PSD3: variants seen among roughly 807,000 people sequenced by gnomAD.
The protein encoded by PSD3 is pleckstrin and Sec7 domain containing 3, also known as PH and SEC7 domain-containing protein 3.
Under a neutral mutation model 105.5 loss-of-function variants are expected in PSD3, and 49 were observed. The observed-to-expected ratio is 0.46, with a 90% CI of 0.37 to 0.59. The LOEUF (loss-of-function observed/expected upper bound fraction) is 0.59, where lower values mean the gene tolerates loss of function less well. Among genes scored for constraint, PSD3 ranks in the 20% least tolerant of loss-of-function variants. PSD3 has a pLI of 0.00. For missense variants in PSD3, 1,561 were observed against 1,263.8 expected, an observed-to-expected ratio of 1.24 and a Z score of -3.57; for synonymous variants, 557 against 457.8, an observed-to-expected ratio of 1.22 and a Z score of -2.77.
At chr8:18,672,208 T>C (rs1306302314) in intron 9 of PSD3, among the ~76,000 whole-genome samples, 1 of 152,106 alleles carries the variant, frequency 6.6e-6, no homozygotes, top group Non-Finnish European at 1.5e-5. Flanking sequence ...TGTAAATATA[T>C]GCAATATTTT....
intron 4 of PSD3, among the ~76,000 whole-genome samples, chr8:18,817,768 T>C (rs575694115): frequency 3.8e-4 from 58 of 152,334 alleles, no homozygotes; most frequent in Non-Finnish European, 7.1e-4. Context: ...GAGCTCTCTC[T>C]ATGTTGCAGA....
At chr8:18,892,422 A>C (rs907474141) in intron 2 of PSD3, among the ~76,000 whole-genome samples, 1 of 151,572 alleles carries the variant, frequency 6.6e-6, no homozygotes, top group Non-Finnish European at 1.5e-5. Flanking sequence ...ACGGAGTTTC[A>C]CCATGTTAGC....
chr8:18,654,499 A>G (rs1022064178), intron 10 of PSD3, among the ~76,000 whole-genome samples: 2 of 152,234 alleles, frequency 1.3e-5, no homozygotes, highest in Non-Finnish European at 2.9e-5. Flanking sequence ...AATGTGATTA[A>G]AAATTTCATA....
At chr8:18,751,912 C>A (rs1287246539) in intron 9 of PSD3, among the ~76,000 whole-genome samples, 1 of 148,386 alleles carries the variant, frequency 6.7e-6, no homozygotes, top group African/African-American at 2.6e-5. Flanking sequence ...CGGTGGCTCA[C>A]GCCTGGAATC....
At chr8:19,079,986 T>C (rs1334314905) in intron 1 of PSD3, among the ~76,000 whole-genome samples, 2 of 148,612 alleles carry the variant, frequency 1.3e-5, no homozygotes, top group African/African-American at 5.0e-5. Context: ...ACCTTCTGGG[T>C]TCAAGCGATT....
chr8:18,719,672 G>T (rs868235247), intron 9 of PSD3, among the ~76,000 whole-genome samples: 1 of 152,094 alleles, frequency 6.6e-6, no homozygotes, highest in Non-Finnish European at 1.5e-5. Flanking sequence ...ACTATTTCCC[G>T]AGATAGTATG....
chr8:18,837,568 C>G (rs1814213699), intron 4 of PSD3, among the ~76,000 whole-genome samples: 1 of 152,134 alleles, frequency 6.6e-6, no homozygotes, highest in African/African-American at 2.4e-5. Context: ...TAGGTCAAAC[C>G]ATTTAGTTCT....
At chr8:19,015,706 C>T (rs1404887878), upstream of PSD3, among the ~76,000 whole-genome samples, 1 of 152,158 alleles carries the variant, frequency 6.6e-6, no homozygotes, top group African/African-American at 2.4e-5. Context: ...TAATCTGAGC[C>T]TCTGTTTCCT....
At chr8:18,883,063 T>G (rs146838411) in intron 2 of PSD3, among the ~76,000 whole-genome samples, 1 of 152,144 alleles carries the variant, frequency 6.6e-6, no homozygotes, top group Non-Finnish European at 1.5e-5. Flanking sequence ...CCAAGGAGGC[T>G]TGTTAGAAAT....
chr8:18,945,071 C>T (rs1356723309), intron 1 of PSD3, among the ~76,000 whole-genome samples: 1 of 152,062 alleles, frequency 6.6e-6, no homozygotes, highest in African/African-American at 2.4e-5. Context: ...CAGACAGACA[C>T]ACACACACAC....
At chr8:18,681,452 A>G (rs1350935870) in intron 9 of PSD3, among the ~76,000 whole-genome samples, 1 of 150,186 alleles carries the variant, frequency 6.7e-6, no homozygotes, top group African/African-American at 2.4e-5. Context: ...GTTTCAAAAA[A>G]AAAAAAAAAA....
chr8:18,952,088 A>G (rs1035737086), intron 1 of PSD3, among the ~76,000 whole-genome samples: 2 of 152,166 alleles, frequency 1.3e-5, no homozygotes, highest in Non-Finnish European at 2.9e-5. Context: ...ACTAAAGAAT[A>G]ATGGGTGGAT....
At chr8:18,974,328 T>C (rs562526474) in intron 1 of PSD3, among the ~76,000 whole-genome samples, 5 of 152,348 alleles carry the variant, frequency 3.3e-5, no homozygotes, top group Non-Finnish European at 5.9e-5. Flanking sequence ...AAATCTTTTA[T>C]GTCAATTACA....
chr8:18,586,938 G>A (rs992001351), intron 12 of PSD3, among the ~76,000 whole-genome samples: 2 of 152,002 alleles, frequency 1.3e-5, no homozygotes, highest in African/African-American at 4.8e-5. Flanking sequence ...AAGGATAGAC[G>A]CCGGATCCTG....
chr8:18,609,216 A>T (rs77818684), intron 11 of PSD3, among the ~76,000 whole-genome samples: 4,154 of 152,298 alleles, frequency 0.027, 100 homozygotes, highest in East Asian at 0.085. Context: ...AGCCATATAC[A>T]CATTAATGAG....
intron 10 of PSD3, among the ~76,000 whole-genome samples, chr8:18,645,080 C>T (rs531561193): frequency 6.6e-6 from 1 of 152,314 alleles, no homozygotes; most frequent in African/African-American, 2.4e-5. Flanking sequence ...CGATAACTAA[C>T]CCACTCCCTT....
chr8:18,927,465 G>A (rs1033381133), intron 2 of PSD3, among the ~76,000 whole-genome samples: 1 of 152,122 alleles, frequency 6.6e-6, no homozygotes, highest in Non-Finnish European at 1.5e-5. Flanking sequence ...ACCCTCCTCA[G>A]CCTCCCAAAG....
At chr8:18,565,964 C>A (rs1057329912) in intron 14 of PSD3, among the ~76,000 whole-genome samples, 3 of 151,992 alleles carry the variant, frequency 2.0e-5, no homozygotes, top group African/African-American at 7.2e-5. Context: ...ATTATCCACA[C>A]CAAAATGTTA....
intron 2 of PSD3, among the ~76,000 whole-genome samples, chr8:18,898,083 T>C (rs989468357): frequency 6.6e-6 from 1 of 152,200 alleles, no homozygotes; most frequent in Admixed American, 6.5e-5. Flanking sequence ...CGGCTTTGAC[T>C]GTGTCGAGGT....
Sources: gnomAD v4.1 joint callset for allele counts (sites outside exome capture counted in the v4.1 genomes callset) on GRCh38, gnomAD v4.1.1 for gene constraint, MANE v1.5 for transcripts, NCBI Gene and HGNC (gene_info 2026-07-23, HGNC 2026-07-21) for gene names.